Variants in OPRM1 observed in about 807,000 individuals in gnomAD.
The protein encoded by OPRM1 is opioid receptor mu 1, also known as mu-type opioid receptor.
Under a neutral mutation model 31.8 loss-of-function variants are expected in OPRM1, and 27 were observed. The observed-to-expected ratio is 0.85, with a 90% CI of 0.63 to 1.17. The LOEUF (loss-of-function observed/expected upper bound fraction) is 1.17. Ranked by LOEUF, OPRM1 falls within the 50% of genes most tolerant of loss-of-function variation. The pLI is 0.00. For synonymous variants in OPRM1, 196 were observed against 189.9 expected (o/e 1.03, Z -0.26); for missense variants, 536 against 511.1 (o/e 1.05, Z -0.47).
intron 1 of OPRM1, among the ~76,000 whole-genome samples, chr6:154,023,785 T>A (rs1223323476): frequency 6.6e-6 from 1 of 152,224 alleles, no homozygotes; most frequent in African/African-American, 2.4e-5. Context: ...CAAATGCTTT[T>A]TTCAGTATCA....
At chr6:154,077,622 T>C (rs1309921462) in intron 1 of OPRM1, among the ~76,000 whole-genome samples, 1 of 151,604 alleles carries the variant, frequency 6.6e-6, no homozygotes, top group Non-Finnish European at 1.5e-5. Flanking sequence ...TTCCAGCTAC[T>C]TGGGAGGCTG....
At chr6:154,023,458 C>A (rs902653998) in intron 1 of OPRM1, among the ~76,000 whole-genome samples, 1 of 152,012 alleles carries the variant, frequency 6.6e-6, no homozygotes, top group African/African-American at 2.4e-5. Flanking sequence ...TTGATTCAGT[C>A]CTTAGAGTTT....
At chr6:154,223,106 G>T in intron 3 of OPRM1, 1 of 1,250,058 alleles carries the variant, frequency 8.0e-7, no homozygotes, top group Non-Finnish European at 1.2e-6. Context: ...CATATCCCTT[G>T]GTGAACATTA....
Position 154,114,159 on chromosome 6 carries a change from G to A in OPRM1, c.1165-4524G>A, listed in dbSNP as rs948293515. On this transcript the variant is annotated intron_variant, in intron 3 of 3. Coordinates refer to ENST00000330432, the MANE Select transcript of OPRM1 (RefSeq NM_000914.5). ...TCAACAAGAGGCATGCATAGATAAG[G>A]CACGTATTGTCTCTAAGATCTAAAT... Among the ~76,000 whole-genome samples the A allele has an allele frequency of 3.9e-5, 6 of 152,252 alleles. No homozygotes were observed. In the South Asian group the frequency reaches 8.3e-4, roughly 21 times the overall value.
chr6:154,066,277 C>T (rs1285175662), intron 1 of OPRM1, among the ~76,000 whole-genome samples: 1 of 151,870 alleles, frequency 6.6e-6, no homozygotes, highest in African/African-American at 2.4e-5. Flanking sequence ...GTAATGCTGG[C>T]CTTATAGATT....
chr6:154,230,086 T>G (rs78922878), intron 3 of OPRM1, among the ~76,000 whole-genome samples: 3,866 of 152,136 alleles, frequency 0.025, 173 homozygotes, highest in African/African-American at 0.088. Flanking sequence ...TAAATGGGGA[T>G]GGGGGATCTT....
At chr6:154,090,223 A>G in intron 2 of OPRM1, 45 bp downstream of exon 2, 1 of 1,305,706 alleles carries the variant, frequency 7.7e-7, no homozygotes, top group African/African-American at 1.4e-5. Flanking sequence ...TCACAGCCTG[A>G]TATGTTGGTG....
In OPRM1 at chr6:154,130,159, G is replaced by A. The variant is rs1797810524; in HGVS notation, c.*11438G>A. Among the ~76,000 whole-genome samples the A allele has an allele frequency of 7.5e-6, 1 of 133,886 alleles. No homozygotes were observed. The highest frequency in any genetic ancestry group is 1.5e-5 in the Non-Finnish European group (1 of 64,974). The allele number at this position is 133,886 out of a possible 152,430, so 87.8% of individuals were successfully genotyped here. A position where few individuals can be genotyped will look rare whatever the true frequency, so the allele number is the denominator to read the frequency against. The stretch of plus-strand genomic sequence containing the variant: ...CCCAAACCATCGATTTCATGGAAAT[G>A]TTTAAATTTTCTTTTTTTTTTTTTT... On this transcript the variant is annotated 3_prime_UTR_variant, in exon 4 of 4. Transcript: ENST00000330432.
intron 3 of OPRM1, chr6:154,200,161 AAG>A: frequency 1.2e-6 from 1 of 837,808 alleles, no homozygotes; most frequent in South Asian, 1.9e-5. Flanking sequence ...CCAATAATAA[AAG>A]AGTCAAAAGG....
At chr6:154,061,351 A>G (rs1446443323) in intron 1 of OPRM1, among the ~76,000 whole-genome samples, 6 of 152,172 alleles carry the variant, frequency 3.9e-5, no homozygotes, top group Non-Finnish European at 8.8e-5. Context: ...GTAACATCTA[A>G]CACACCATTT....
intron 3 of OPRM1, among the ~76,000 whole-genome samples, chr6:154,177,993 CAT>C (rs1455916133): frequency 6.6e-6 from 1 of 152,088 alleles, no homozygotes; most frequent in Non-Finnish European, 1.5e-5. Flanking sequence ...TTTATAGGGA[CAT>C]GGATGAAGCT....
intron 1 of OPRM1, among the ~76,000 whole-genome samples, chr6:154,080,217 T>C (rs972803397): frequency 1.4e-4 from 21 of 152,348 alleles, no homozygotes; most frequent in African/African-American, 5.1e-4. Context: ...ATAAGTGAAA[T>C]GTAATTCAAT....
chr6:154,086,198 G>T (rs1790523277), intron 1 of OPRM1, among the ~76,000 whole-genome samples: 1 of 152,142 alleles, frequency 6.6e-6, no homozygotes, highest in African/African-American at 2.4e-5. Flanking sequence ...GTATATGCTG[G>T]AGGCAATTGG....
At chr6:154,180,137 A>T (rs999027156) in intron 3 of OPRM1, among the ~76,000 whole-genome samples, 6 of 152,158 alleles carry the variant, frequency 3.9e-5, no homozygotes, top group Non-Finnish European at 8.8e-5. Flanking sequence ...AAGAGAATGA[A>T]AGAAAATTTG....
intron 1 of OPRM1, among the ~76,000 whole-genome samples, chr6:154,063,424 A>T (rs1784778771): frequency 6.6e-6 from 1 of 152,016 alleles, no homozygotes; most frequent in African/African-American, 2.4e-5. Flanking sequence ...TATTAAATTT[A>T]AATATGAATT....
intron 3 of OPRM1, among the ~76,000 whole-genome samples, chr6:154,196,699 T>C (rs973969054): frequency 4.6e-5 from 7 of 152,196 alleles, no homozygotes; most frequent in African/African-American, 1.2e-4. Context: ...CAGGGTAAAA[T>C]TGAGCTGAAA....
intron 3 of OPRM1, among the ~76,000 whole-genome samples, chr6:154,185,196 G>A (rs1256669499): frequency 2.0e-5 from 3 of 152,168 alleles, no homozygotes; most frequent in Non-Finnish European, 4.4e-5. Flanking sequence ...AGAAAACAGA[G>A]CCTAGCAAGG....
chr6:154,234,930 A>C (rs1279232640), intron 3 of OPRM1, among the ~76,000 whole-genome samples: 1 of 152,234 alleles, frequency 6.6e-6, no homozygotes, highest in Non-Finnish European at 1.5e-5. Flanking sequence ...GCTTCTGCTC[A>C]GTCTCATCTC....
At chr6:154,169,579 A>G (rs1799708455) in intron 3 of OPRM1, among the ~76,000 whole-genome samples, 1 of 152,204 alleles carries the variant, frequency 6.6e-6, no homozygotes, top group African/African-American at 2.4e-5. Flanking sequence ...TCCTTCCCAG[A>G]ACTACCCTTG....
Sources: allele counts gnomAD v4.1 joint callset (sites outside exome capture counted in the v4.1 genomes callset), GRCh38; gene constraint gnomAD v4.1.1; transcripts MANE v1.5; gene names NCBI Gene and HGNC (gene_info 2026-07-23, HGNC 2026-07-21).